RIMS1: variants seen among roughly 807,000 people sequenced by gnomAD.
RIMS1 encodes regulating synaptic membrane exocytosis 1, also known as regulating synaptic membrane exocytosis protein 1.
In RIMS1, 83 loss-of-function variants were observed where a neutral mutation model predicts 214.1. That is an observed-to-expected ratio of 0.39 (90% CI 0.32 to 0.47). The LOEUF is 0.47. RIMS1 is among the 20% of genes least tolerant of loss of function. The pLI, the probability that RIMS1 is intolerant of heterozygous loss-of-function variation, is 0.99. For missense variants in RIMS1, 2,050 were observed against 2,161.8 expected, an observed-to-expected ratio of 0.95 and a Z score of 1.03; for synonymous variants, 793 against 786.8, an observed-to-expected ratio of 1.01 and a Z score of -0.13.
chr6:72,080,801 T>A (rs960122237), intron 2 of RIMS1, among the ~76,000 whole-genome samples: 1 of 152,174 alleles, frequency 6.6e-6, no homozygotes, highest in African/African-American at 2.4e-5. Context: ...AGGTCTTTGC[T>A]CAAATTTCAC....
chr6:72,174,882 T>G (rs945326843), intron 4 of RIMS1, among the ~76,000 whole-genome samples: 2 of 152,170 alleles, frequency 1.3e-5, no homozygotes, highest in African/African-American at 4.8e-5. Context: ...ACATATATTA[T>G]AAACTTCCAA....
rs542802387 is a variant in RIMS1, at chr6:71,975,087, G to A, written c.245+6024G>A. Among the ~76,000 whole-genome samples, 481 of 152,100 alleles carry A rather than the reference G, an allele frequency of 3.2e-3. 2 individuals carry two copies. Among genetic ancestry groups the A allele is most frequent in the Middle Eastern group, 0.01 (3 of 294 alleles). On this transcript the variant is annotated intron_variant, in intron 2 of 33. Transcript: ENST00000521978. ...TAAAAAGCCAGACACCAGTGATATC[G>A]AGACATAAGTGTTATGTCATTGTTT...
chr6:72,283,728 C>T (rs970860493), intron 23 of RIMS1, among the ~76,000 whole-genome samples: 1 of 152,076 alleles, frequency 6.6e-6, no homozygotes, highest in African/African-American at 2.4e-5. Flanking sequence ...CATTTGTTTG[C>T]TCATCAGCAG....
intron 2 of RIMS1, among the ~76,000 whole-genome samples, chr6:71,978,769 A>G (rs1029595166): frequency 3.9e-5 from 6 of 152,140 alleles, no homozygotes; most frequent in African/African-American, 9.6e-5. Flanking sequence ...TTAATGTCAC[A>G]GGCTATAGTT....
intron 2 of RIMS1, among the ~76,000 whole-genome samples, chr6:71,996,299 T>A (rs193212337): frequency 3.7e-4 from 57 of 152,352 alleles, no homozygotes; most frequent in African/African-American, 1.2e-3. Context: ...CAATCCCATT[T>A]TTATATGATC....
Position 72,093,097 on chromosome 6 carries a change from A to G in RIMS1, c.246-3852A>G, listed in dbSNP as rs1331577999. Among the ~76,000 whole-genome samples the G allele has an allele frequency of 3.3e-5, 5 of 151,940 alleles. No homozygotes were observed. The East Asian group carries it at 9.6e-4, about 29-fold the overall frequency. On this transcript the variant is annotated intron_variant, in intron 2 of 33. Transcript: ENST00000521978. ...CATGTAAGGTGTAAAGAAAAAATAA[A>G]CTACATCATGTAACCCCTCCGCCAC...
At chr6:72,092,194 A>G (rs1230073948) in intron 2 of RIMS1, among the ~76,000 whole-genome samples, 1 of 152,172 alleles carries the variant, frequency 6.6e-6, no homozygotes, top group African/African-American at 2.4e-5. Flanking sequence ...ATTTAATAGA[A>G]CAGTGCAGGT....
chr6:72,119,125 G>C (rs1051469335), intron 4 of RIMS1, among the ~76,000 whole-genome samples: 1 of 151,788 alleles, frequency 6.6e-6, no homozygotes, highest in Non-Finnish European at 1.5e-5. Flanking sequence ...ATTCAGTGAA[G>C]TCTCAGGATA....
intron 2 of RIMS1, among the ~76,000 whole-genome samples, chr6:72,012,661 T>C (rs1466796116): frequency 2.0e-5 from 3 of 152,124 alleles, no homozygotes; most frequent in Admixed American, 6.6e-5. Context: ...AAGGGAATGA[T>C]GCCACAAGGT....
rs375213492 is a variant in RIMS1 at position 72,360,543 on chromosome 6, AACTT to A, written c.4366+26710_4366+26713del. Among the ~76,000 whole-genome samples the A allele has an allele frequency of 6.1e-3, 931 of 152,224 alleles. 7 individuals carry two copies. Among genetic ancestry groups the A allele is most frequent in the African/African-American group, 0.022 (903 of 41,538 alleles). ...GCAATTTCCACTTTACTTAAAAAGA[AACTT>A]AAATAACTTACCAAAAGTCGTATCA... On this transcript the variant is annotated intron_variant, in intron 29 of 33. Coordinates refer to ENST00000521978, the MANE Select transcript of RIMS1 (RefSeq NM_014989.7).
intron 4 of RIMS1, among the ~76,000 whole-genome samples, chr6:72,171,531 A>G (rs2153955202): frequency 1.3e-5 from 2 of 152,268 alleles, no homozygotes; most frequent in Admixed American, 1.3e-4. Context: ...TATTTCAGGC[A>G]CTATGCTAAG....
chr6:72,056,801 GA>G (rs1826311921), intron 2 of RIMS1, among the ~76,000 whole-genome samples: 1 of 152,002 alleles, frequency 6.6e-6, no homozygotes, highest in South Asian at 2.1e-4. Context: ...TAGAAAATAA[GA>G]AAATTAAGGT....
intron 24 of RIMS1, among the ~76,000 whole-genome samples, chr6:72,284,561 T>A (rs548585143): frequency 6.6e-6 from 1 of 152,204 alleles, no homozygotes; most frequent in Non-Finnish European, 1.5e-5. Context: ...AATATTCTAC[T>A]GGTATATTAT....
chr6:72,361,632 G>A (rs545427334), intron 29 of RIMS1, among the ~76,000 whole-genome samples: 11 of 152,236 alleles, frequency 7.2e-5, no homozygotes, highest in Admixed American at 2.0e-4. Flanking sequence ...TAAATACCGC[G>A]ATTGCTTTTG....
chr6:72,290,961 A>G (rs2093303055), intron 25 of RIMS1, 100 bp downstream of exon 25: 1 of 1,041,400 alleles, frequency 9.6e-7, no homozygotes, highest in Middle Eastern at 3.2e-4. Flanking sequence ...TCATTTTGAC[A>G]CCATAACTTT....
intron 1 of RIMS1, among the ~76,000 whole-genome samples, chr6:71,965,606 C>T (rs924270798): frequency 3.3e-5 from 5 of 152,210 alleles, no homozygotes; most frequent in African/African-American, 4.8e-5. Context: ...AACCCAGCAG[C>T]GCTGAGGGCG....
intron 2 of RIMS1, among the ~76,000 whole-genome samples, chr6:72,012,708 A>G: frequency 6.6e-6 from 1 of 152,170 alleles, no homozygotes; most frequent in Non-Finnish European, 1.5e-5. Flanking sequence ...GTTATAATAA[A>G]GCTGCTTGGC....
At chr6:72,235,510 C>T in intron 7 of RIMS1, 108 bp from the exon 8 acceptor site, 1 of 684,628 alleles carries the variant, frequency 1.5e-6, no homozygotes, top group Non-Finnish European at 2.6e-6. Context: ...ACATAATGTT[C>T]TGCAGTTCTA....
intron 12 of RIMS1, among the ~76,000 whole-genome samples, chr6:72,249,511 C>T (rs964550873): frequency 3.9e-5 from 6 of 152,080 alleles, no homozygotes; most frequent in South Asian, 2.1e-4. Context: ...AATTAAATGA[C>T]GGCTTGGTGC....
Sources: allele counts gnomAD v4.1 joint callset (sites outside exome capture counted in the v4.1 genomes callset), GRCh38; gene constraint gnomAD v4.1.1; transcripts MANE v1.5; gene names NCBI Gene and HGNC (gene_info 2026-07-23, HGNC 2026-07-21).